Variants in ZBTB46 observed in about 807,000 individuals in gnomAD.
ZBTB46 encodes zinc finger and BTB domain-containing protein 46.
A neutral mutation model predicts 44.1 loss-of-function variants in ZBTB46; 8 were observed. The observed-to-expected ratio is 0.18, with a 90% confidence interval of 0.11 to 0.33. The LOEUF (loss-of-function observed/expected upper bound fraction) is 0.33, where lower values mean the gene tolerates loss of function less well. Among genes scored for constraint, ZBTB46 ranks in the 10% least tolerant of loss-of-function variants. The probability of loss-of-function intolerance (pLI) is 1.00; values close to 1 mark genes in which losing one functional copy is unlikely to be tolerated. For synonymous variants in ZBTB46, 409 were observed against 382.3 expected (o/e 1.07, Z -0.81); for missense variants, 651 against 847.7 (o/e 0.77, Z 2.88).
intron 4 of ZBTB46, among the ~76,000 whole-genome samples, chr20:63,747,947 G>C (rs1027773373): frequency 6.6e-6 from 1 of 152,218 alleles, no homozygotes; most frequent in African/African-American, 2.4e-5. Context: ...CATTGGACTG[G>C]AGCTCACAGA....
chr20:63,753,021 C>G (rs2145770677), intron 3 of ZBTB46, among the ~76,000 whole-genome samples, 160 bp from the exon 4 acceptor site: 1 of 152,336 alleles, frequency 6.6e-6, no homozygotes, highest in Admixed American at 6.5e-5. Flanking sequence ...CAGGCTCCCC[C>G]ACCATCTGCA....
At chr20:63,770,218 T>C (rs1460212510) in intron 3 of ZBTB46, among the ~76,000 whole-genome samples, 1 of 152,126 alleles carries the variant, frequency 6.6e-6, no homozygotes, top group Non-Finnish European at 1.5e-5. Flanking sequence ...CTCGTGCTGT[T>C]TGGAGACACG....
At chr20:63,799,600 A>G (rs1179339060) in intron 1 of ZBTB46, among the ~76,000 whole-genome samples, 1 of 152,142 alleles carries the variant, frequency 6.6e-6, no homozygotes, top group East Asian at 1.9e-4. Flanking sequence ...CTCCCACCTC[A>G]GCCTCCCAAA....
In ZBTB46 at chr20:63,775,711, C is replaced by G; in HGVS notation, c.1189G>C (p.Glu397Gln). The G allele has an allele frequency of 1.2e-6, 2 of 1,601,796 alleles. No individual in the cohort carries two copies. The highest frequency in any genetic ancestry group is 8.5e-7 in the Non-Finnish European group (1 of 1,173,328). ...GAGTGGGCCCCTCTGGGCAGGTACTCGAACAGCAGGGAGCCGTCATCCCCC... is the reference window on the plus strand; with the variant it reads ...GAGTGGGCCCCTCTGGGCAGGTACTGGAACAGCAGGGAGCCGTCATCCCCC... ...VLGDDGSLLF[E>Q]YLPRGAHSLS... The change falls in exon 3 of 5, where the codon GAG (glutamate) becomes CAG (glutamine). Residue 397 changes from glutamate to glutamine, a missense_variant. This residue lies in a region of ZBTB46 where 385 missense variants were observed against 423.3 expected (regional missense o/e 0.91). Transcript: ENST00000245663.
intron 1 of ZBTB46, among the ~76,000 whole-genome samples, chr20:63,830,163 G>A (rs1259595674): frequency 6.6e-6 from 1 of 152,184 alleles, no homozygotes; most frequent in Admixed American, 6.5e-5. Flanking sequence ...TGGCTCCTCG[G>A]TCCAGCCCTA....
At chr20:63,796,999 G>A (rs1196397664) in intron 1 of ZBTB46, among the ~76,000 whole-genome samples, 1 of 151,976 alleles carries the variant, frequency 6.6e-6, no homozygotes, top group Non-Finnish European at 1.5e-5. Flanking sequence ...GTGAAACCCG[G>A]TTTTTGTTTT....
intron 1 of ZBTB46, among the ~76,000 whole-genome samples, chr20:63,798,358 G>C (rs2092618759): frequency 1.3e-5 from 2 of 151,904 alleles, no homozygotes; most frequent in African/African-American, 4.8e-5. Context: ...TGGAAACCCG[G>C]TCTTTACAAA....
Position 63,790,540 on chromosome 20 carries a change from G to A in ZBTB46, c.218C>T (p.Thr73Met), listed in dbSNP as rs1420528180. Residue 73 changes from threonine to methionine, a missense_variant, in exon 2 of 5, where the codon ACG (threonine) becomes ATG (methionine). Thr to Met is a moderately conservative substitution (Grantham distance 81). Around this residue, in one of 5 missense-constraint regions of ZBTB46, gnomAD observed 65 missense variants for 167.9 expected, o/e 0.39. Coordinates refer to ENST00000245663, the MANE Select transcript of ZBTB46 (RefSeq NM_001369741.1). ...CTGGGCCGTGACGATGTCCAGGTGC[G>A]TGACCGTGGCCTGCTCCGACGTCTT... is the stretch of plus-strand genomic sequence containing the variant. ...VQKTSEQATV[T>M]HLDIVTAQGF... 11 of 1,612,984 alleles carry A rather than the reference G, an allele frequency of 6.8e-6. No homozygotes were observed. Among genetic ancestry groups the A allele is most frequent in the African/African-American group, 1.3e-5 (1 of 75,036 alleles).
At chr20:63,815,115 C>T (rs1482736876) in intron 1 of ZBTB46, 29 of 208,186 alleles carry the variant, frequency 1.4e-4, no homozygotes, top group Non-Finnish European at 2.0e-4. Flanking sequence ...CCACAGCTCA[C>T]CAGCTGCTGA....
chr20:63,793,817 C>A (rs1005728726), intron 1 of ZBTB46, among the ~76,000 whole-genome samples: 2 of 138,928 alleles, frequency 1.4e-5, no homozygotes, highest in African/African-American at 5.6e-5. Flanking sequence ...CCAATCAGGG[C>A]AGCTTAAAAT....
At position 63,777,088 on chromosome 20, in the gene ZBTB46, C is replaced by T. The variant is rs1475754363; in HGVS notation, c.938-1126G>A. On this transcript the variant is annotated intron_variant, in intron 2 of 4. Transcript: ENST00000245663. Reference sequence around the variant, plus strand: ...CAGCACACGCCACGGTTCCACCACACGCCACGGTTCCAGCACACGCCACGG... The same window carrying T: ...CAGCACACGCCACGGTTCCACCACATGCCACGGTTCCAGCACACGCCACGG... 8.0e-5 allele frequency among the ~76,000 whole-genome samples: 3 copies of T among 37,672 alleles called. 1 individual carries two copies. The highest frequency in any genetic ancestry group is 6.3e-4 in the Admixed American group (2 of 3,158). The allele number at this position is 37,672 out of a possible 152,430, so 24.7% of individuals were successfully genotyped here.
intron 1 of ZBTB46, among the ~76,000 whole-genome samples, chr20:63,808,428 G>A (rs138197774): frequency 6.6e-6 from 1 of 152,296 alleles, no homozygotes; most frequent in Non-Finnish European, 1.5e-5. Context: ...CAGGGCGGAG[G>A]TCACGGACAG....
At chr20:63,800,913 T>C (rs1204219702) in intron 1 of ZBTB46, among the ~76,000 whole-genome samples, 1 of 152,158 alleles carries the variant, frequency 6.6e-6, no homozygotes, top group Non-Finnish European at 1.5e-5. Flanking sequence ...GGCTGAGGAG[T>C]GCAGGTGCAC....
intron 1 of ZBTB46, among the ~76,000 whole-genome samples, chr20:63,791,993 C>T (rs2092564727): frequency 6.6e-6 from 1 of 152,172 alleles, no homozygotes; most frequent in Non-Finnish European, 1.5e-5. Context: ...CCCCAGCCGG[C>T]GTTCTGTGTG....
chr20:63,824,630 C>T (rs1432793286), intron 1 of ZBTB46, among the ~76,000 whole-genome samples: 6 of 151,600 alleles, frequency 4.0e-5, no homozygotes, highest in Admixed American at 3.9e-4. Context: ...CCCCCACCCC[C>T]GTTCTTCTGG....
chr20:63,792,038 C>T (rs766530515), intron 1 of ZBTB46, among the ~76,000 whole-genome samples: 8 of 152,220 alleles, frequency 5.3e-5, no homozygotes, highest in Non-Finnish European at 1.2e-4. Context: ...TGTCTCAACA[C>T]GGCTTCTCCC....
chr20:63,808,703 G>A (rs1349332669), intron 1 of ZBTB46, among the ~76,000 whole-genome samples: 7 of 152,114 alleles, frequency 4.6e-5, no homozygotes, highest in Admixed American at 4.6e-4. Flanking sequence ...CAGCAGGCGC[G>A]GTGGCTCACG....
intron 1 of ZBTB46, among the ~76,000 whole-genome samples, chr20:63,818,089 C>T (rs1353681353): frequency 1.3e-5 from 2 of 152,226 alleles, no homozygotes; most frequent in African/African-American, 4.8e-5. Flanking sequence ...GGGGTCTTCA[C>T]CCAGGACTCA....
At chr20:63,831,558 G>C (rs1358021314), upstream of ZBTB46, among the ~76,000 whole-genome samples, 1 of 148,628 alleles carries the variant, frequency 6.7e-6, no homozygotes. Context: ...GCTGGGCATT[G>C]TGGGAAGCCC....
Sources: allele counts gnomAD v4.1 joint callset (sites outside exome capture counted in the v4.1 genomes callset), GRCh38; gene constraint gnomAD v4.1.1; regional missense constraint gnomAD v4.1.1; transcripts MANE v1.5; gene names NCBI Gene and HGNC (gene_info 2026-07-23, HGNC 2026-07-21).